Variants in TRAPPC8 observed in about 807,000 individuals in gnomAD.
TRAPPC8 encodes the protein general sporulation gene 1 homolog.
Under a neutral mutation model 174.3 loss-of-function variants are expected in TRAPPC8, and 54 were observed. The observed-to-expected ratio is 0.31, with a 90% confidence interval of 0.25 to 0.39. The LOEUF is 0.39. TRAPPC8 is among the 10% of genes least tolerant of loss of function. TRAPPC8 has a pLI of 1.00. For missense variants in TRAPPC8, 1,531 were observed against 1,699.1 expected, an observed-to-expected ratio of 0.90 and a Z score of 1.74; for synonymous variants, 630 against 579.9, an observed-to-expected ratio of 1.09 and a Z score of -1.24.
intron 2 of TRAPPC8, among the ~76,000 whole-genome samples, chr18:31,924,440 C>G (rs532130826): frequency 8.0e-6 from 1 of 125,276 alleles, no homozygotes; most frequent in Admixed American, 8.1e-5. Flanking sequence ...GGCGAAAGAG[C>G]AAGACTCCAT....
chr18:31,896,085 A>G (rs1056631664), intron 11 of TRAPPC8: 1 of 152,226 alleles, frequency 6.6e-6, no homozygotes, highest in African/African-American at 2.4e-5. Flanking sequence ...TTCCAATATA[A>G]TATAATATGA....
rs373186253 is a variant in TRAPPC8, at chr18:31,839,425, G to A, written c.3870C>T (p.Phe1290=). The change falls in exon 27 of 29, where the codon TTC becomes TTT. Residue 1290 remains phenylalanine, a synonymous_variant. Transcript: ENST00000283351. ...EPPEMELLKF[F]RPENITVSSR... ...AGGAAACTGTAATGTTTTCTGGCCT[G>A]AAAAATTTCAATAGTTCCATTTCTG... 1.6e-4 allele frequency: 261 copies of A among 1,596,744 alleles called. 1 individual carries two copies. The highest frequency in any genetic ancestry group is 1.0e-3 in the Middle Eastern group (6 of 5,988).
chr18:31,924,929 T>C (rs73954910), intron 2 of TRAPPC8, among the ~76,000 whole-genome samples: 2,553 of 151,850 alleles, frequency 0.017, 65 homozygotes, highest in African/African-American at 0.058. Context: ...TTCCTATAAA[T>C]GATCTGCCAA....
chr18:31,833,818 A>G (rs574030155), intron 27 of TRAPPC8, among the ~76,000 whole-genome samples: 275 of 151,960 alleles, frequency 1.8e-3, no homozygotes, highest in African/African-American at 6.3e-3. Flanking sequence ...CCTGGCTAAC[A>G]TGGTGAAACC....
chr18:31,886,344 GGAA>G (rs1283850464), intron 12 of TRAPPC8, among the ~76,000 whole-genome samples: 988 of 71,230 alleles, frequency 0.014, 12 homozygotes, highest in African/African-American at 0.047. Flanking sequence ...TGTTTCTTGA[GGAA>G]AAAAAAAAAA....
chr18:31,851,885 AT>A (rs201588927), intron 24 of TRAPPC8, among the ~76,000 whole-genome samples: 2,471 of 152,286 alleles, frequency 0.016, 78 homozygotes, highest in African/African-American at 0.055. Context: ...TTTAAAAAAA[AT>A]ATCCCAAGAA....
chr18:31,933,868 GTAAACA>G (rs1383931060), intron 1 of TRAPPC8, among the ~76,000 whole-genome samples: 3 of 151,860 alleles, frequency 2.0e-5, no homozygotes, highest in Non-Finnish European at 4.4e-5. Context: ...TATTTATATT[GTAAACA>G]TAAATATAGA....
Position 31,854,308 on chromosome 18 carries a change from T to C in TRAPPC8, c.3337-363A>G, listed in dbSNP as rs182478312. On this transcript the variant is annotated intron_variant, in intron 21 of 28. Transcript: ENST00000283351. ...CTTTTTATTTCTCTACTCTGAGATA[T>C]CTCATTCTTATTAGGCAAAAAAACA... 5.8e-4 allele frequency among the ~76,000 whole-genome samples: 89 copies of C among 152,282 alleles called. 2 individuals carry two copies. The South Asian group carries it at 0.012, about 20-fold the overall frequency.
At chr18:31,919,586 AAAT>A (rs1344466668) in intron 2 of TRAPPC8, among the ~76,000 whole-genome samples, 24 of 69,450 alleles carry the variant, frequency 3.5e-4, no homozygotes, top group East Asian at 2.1e-3. Flanking sequence ...ATAAATAAAT[AAAT>A]AAAATAATAA....
At chr18:31,884,972 GCC>G in intron 12 of TRAPPC8, among the ~76,000 whole-genome samples, 1 of 151,190 alleles carries the variant, frequency 6.6e-6, no homozygotes, top group Middle Eastern at 3.4e-3. Flanking sequence ...TCCTGCCTCA[GCC>G]TCCCGAGTAG....
chr18:31,863,721 T>C (rs2034445352), intron 19 of TRAPPC8, among the ~76,000 whole-genome samples: 1 of 152,120 alleles, frequency 6.6e-6, no homozygotes, highest in Non-Finnish European at 1.5e-5. Flanking sequence ...CTTGAGGATG[T>C]GGGAGGAAGG....
Position 31,866,852 on chromosome 18 carries a change from T to C in TRAPPC8, c.2587A>G (p.Thr863Ala). Residue 863 changes from threonine (T) to alanine (A), a missense_variant, in exon 18 of 29, where the codon ACA (threonine) becomes GCA (alanine). Transcript: ENST00000283351. ...TTACCAATGCTATAGCCTTTACCTGTGTGACATCCGGGAAGAGCACCAATG... is the reference window on the plus strand; with the variant it reads ...TTACCAATGCTATAGCCTTTACCTGCGTGACATCCGGGAAGAGCACCAATG... ...DGIGALPGCH[T>A]GKYSLSMSVR... is the part of the protein sequence containing the mutation. The C allele has an allele frequency of 6.2e-7, 1 of 1,613,142 alleles. No individual in the cohort carries two copies. Among genetic ancestry groups the C allele is most frequent in the African/African-American group, 1.3e-5 (1 of 75,006 alleles).
intron 21 of TRAPPC8, among the ~76,000 whole-genome samples, chr18:31,854,531 A>T (rs2033889367): frequency 6.6e-6 from 1 of 152,160 alleles, no homozygotes; most frequent in African/African-American, 2.4e-5. Context: ...ATATCCTAGA[A>T]AGCAGACACC....
At chr18:31,873,151 G>A (rs774165140) in intron 14 of TRAPPC8, among the ~76,000 whole-genome samples, 7 of 150,980 alleles carry the variant, frequency 4.6e-5, no homozygotes, top group Non-Finnish European at 1.0e-4. Context: ...TTGAGTTGAT[G>A]GGACTACAAG....
intron 27 of TRAPPC8, among the ~76,000 whole-genome samples, chr18:31,837,967 T>TAAA (rs35815014): frequency 1.1e-4 from 14 of 129,044 alleles, no homozygotes; most frequent in African/African-American, 8.6e-5. Flanking sequence ...AAAAATCACT[T>TAAA]AAAAAAAAAA....
intron 27 of TRAPPC8, among the ~76,000 whole-genome samples, chr18:31,838,614 T>C (rs976222939): frequency 3.5e-4 from 54 of 152,328 alleles, no homozygotes; most frequent in African/African-American, 1.3e-3. Context: ...GTCATGCTAT[T>C]CTACCCTCTA....
At chr18:31,927,149 C>A (rs977620886) in intron 2 of TRAPPC8, among the ~76,000 whole-genome samples, 1 of 152,066 alleles carries the variant, frequency 6.6e-6, no homozygotes, top group African/African-American at 2.4e-5. Context: ...GCTCTGTCAC[C>A]TAGGTTGGAG....
At chr18:31,878,813 C>G (rs2035286304) in intron 12 of TRAPPC8, among the ~76,000 whole-genome samples, 1 of 151,884 alleles carries the variant, frequency 6.6e-6, no homozygotes, top group African/African-American at 2.4e-5. Context: ...CAAAAAAGAG[C>G]AGGGGTTGTT....
At chr18:31,909,116 T>G (rs1056848029) in intron 6 of TRAPPC8, 106 bp from the exon 7 acceptor site, 6 of 1,133,784 alleles carry the variant, frequency 5.3e-6, no homozygotes, top group Non-Finnish European at 7.1e-6. Flanking sequence ...TTAAAATCCT[T>G]TATCTTTCAG....
Sources: allele counts gnomAD v4.1 joint callset (sites outside exome capture counted in the v4.1 genomes callset), GRCh38; gene constraint gnomAD v4.1.1; transcripts MANE v1.5; gene names NCBI Gene and HGNC (gene_info 2026-07-23, HGNC 2026-07-21).